Variants in ODAD2 observed in about 807,000 individuals in gnomAD.
ODAD2 encodes outer dynein arm-docking complex subunit 2.
ODAD2 carries 89 observed loss-of-function variants against 106.8 expected under a neutral mutation model. That is an observed-to-expected ratio of 0.83 (90% confidence interval 0.70 to 0.99). The LOEUF (loss-of-function observed/expected upper bound fraction) is 0.99, where lower values mean the gene tolerates loss of function less well. Ranked by LOEUF, ODAD2 falls within the 50% of genes least tolerant of loss-of-function variation. The probability of loss-of-function intolerance (pLI) is 0.00; values close to 1 mark genes in which losing one functional copy is unlikely to be tolerated. For missense variants in ODAD2, 1,168 were observed against 1,238.5 expected (o/e 0.94, Z 0.85); for synonymous variants, 404 against 436.2 (o/e 0.93, Z 0.92).
chr10:27,908,964 T>G (rs144205002), intron 16 of ODAD2, among the ~76,000 whole-genome samples: 2 of 152,258 alleles, frequency 1.3e-5, no homozygotes, highest in African/African-American at 4.8e-5. Flanking sequence ...GTAAGTAGGT[T>G]TTCAAACCTA....
rs1840118767 is a variant in ODAD2 at position 27,862,487 on chromosome 10, C to T, written c.2746G>A (p.Ala916Thr). 1 of 1,612,416 alleles carries T rather than the reference C, an allele frequency of 6.2e-7. No homozygotes were observed. The highest frequency in any genetic ancestry group is 2.2e-5 in the East Asian group (1 of 44,724). ...TNIAKDQENL[A>T]VITDHGVVPL... ...ACAACTCCATGATCTGTGATAACAG[C>T]TAAATTTTCTTGATCTTTTGCTATG... is the stretch of plus-strand genomic sequence containing the variant. Residue 916 changes from alanine (A) to threonine (T), a missense_variant, in exon 18 of 20, where the codon GCT (alanine) becomes ACT (threonine). Ala to Thr is a moderately conservative substitution (Grantham distance 58). Around this residue, in one of 3 missense-constraint regions of ODAD2, gnomAD observed 701 missense variants for 712.3 expected, o/e 0.98. Coordinates refer to ENST00000305242, the MANE Select transcript of ODAD2 (RefSeq NM_018076.5).
chr10:27,947,416 G>A (rs541472505), intron 10 of ODAD2, among the ~76,000 whole-genome samples: 26 of 152,104 alleles, frequency 1.7e-4, no homozygotes, highest in Non-Finnish European at 3.5e-4. Flanking sequence ...AGTGAGCTAT[G>A]ATCACACTAC....
In ODAD2 at chr10:27,862,431, T is replaced by C; in HGVS notation, c.2799+3A>G. ...ATGTAAAACAAAAAGATGTGTTACT[T>C]ACTGTATTTGCCAGTTTGGACAATA... On this transcript the variant is annotated splice_donor_region_variant and intron_variant, in intron 18 of 19. Coordinates refer to ENST00000305242, the MANE Select transcript of ODAD2 (RefSeq NM_018076.5). 1 of 1,602,162 alleles carries C rather than the reference T, an allele frequency of 6.2e-7. No homozygotes were observed. Among genetic ancestry groups the C allele is most frequent in the Non-Finnish European group, 8.5e-7 (1 of 1,174,642 alleles).
At position 27,935,220 on chromosome 10, in the gene ODAD2, A is replaced by G. The variant is rs1251706137; in HGVS notation, c.2285T>C (p.Val762Ala). The change falls in exon 16 of 20, where the codon GTG (valine) becomes GCG (alanine). Residue 762 changes from valine (V) to alanine (A), a missense_variant. Physicochemically the swap from Val to Ala is moderately conservative, Grantham distance 64 (BLOSUM62 0). This residue lies in a region of ODAD2 where 701 missense variants were observed against 712.3 expected (regional missense o/e 0.98). Transcript: ENST00000305242. ...TTCAGGCTGATCTGTTAGAAGTCCC[A>G]CCAAGGTTTCAATGGCTTTGTATTC... ...FREYKAIETL[V>A]GLLTDQPEEV... 1 of 1,613,988 alleles carries G rather than the reference A, an allele frequency of 6.2e-7. No individual in the cohort carries two copies. The highest frequency in any genetic ancestry group is 1.3e-5 in the African/African-American group (1 of 75,060).
intron 10 of ODAD2, among the ~76,000 whole-genome samples, chr10:27,960,313 CATTATTATTATTATTATTATTATTATT>C (rs72020123): frequency 1.4e-5 from 2 of 138,694 alleles, no homozygotes; most frequent in East Asian, 2.1e-4. Flanking sequence ...TTATTTATTT[CATTATTATTATTATTATTATTATTATT>C]ATTATTATTA....
chr10:27,883,779 A>G (rs556872429), intron 17 of ODAD2, among the ~76,000 whole-genome samples: 1 of 152,304 alleles, frequency 6.6e-6, no homozygotes, highest in South Asian at 2.1e-4. Context: ...CAATAACTGA[A>G]ATGAAAAATT....
chr10:27,907,514 G>C, intron 17 of ODAD2, 149 bp downstream of exon 17: 1 of 511,420 alleles, frequency 2.0e-6, no homozygotes. Flanking sequence ...GCAATGCTCC[G>C]AAATTATTTT....
intron 16 of ODAD2, among the ~76,000 whole-genome samples, chr10:27,919,731 G>C (rs1439685593): frequency 6.6e-6 from 1 of 152,076 alleles, no homozygotes; most frequent in Non-Finnish European, 1.5e-5. Flanking sequence ...TTCTAGTAAA[G>C]TTAAACACAT....
intron 19 of ODAD2, among the ~76,000 whole-genome samples, chr10:27,830,787 T>A (rs1837416167): frequency 6.6e-6 from 1 of 152,228 alleles, no homozygotes; most frequent in Non-Finnish European, 1.5e-5. Flanking sequence ...TCAATACTGA[T>A]CTTACTTTAA....
chr10:27,941,052 T>C (rs1048671937), intron 12 of ODAD2, among the ~76,000 whole-genome samples: 1 of 152,116 alleles, frequency 6.6e-6, no homozygotes, highest in Non-Finnish European at 1.5e-5. Context: ...ACCAAGATAG[T>C]ATTTTCTTAA....
At chr10:27,922,129 G>C (rs533737830) in intron 16 of ODAD2, among the ~76,000 whole-genome samples, 59 of 148,152 alleles carry the variant, frequency 4.0e-4, no homozygotes, top group African/African-American at 1.2e-3. Flanking sequence ...ATTCCAACCT[G>C]GGTGACAGAG....
At chr10:27,876,764 G>A (rs1841368329) in intron 17 of ODAD2, among the ~76,000 whole-genome samples, 1 of 152,190 alleles carries the variant, frequency 6.6e-6, no homozygotes, top group Admixed American at 6.5e-5. Context: ...ACTTTGGTTT[G>A]TCCAAGCACA....
intron 6 of ODAD2, chr10:27,981,815 G>T (rs1849564234): frequency 5.9e-6 from 2 of 336,208 alleles, no homozygotes; most frequent in South Asian, 8.5e-5. Context: ...ATTCAGCAAG[G>T]CTTTACTGAG....
chr10:27,925,547 A>G (rs1033068198), intron 16 of ODAD2, among the ~76,000 whole-genome samples: 2 of 152,114 alleles, frequency 1.3e-5, no homozygotes, highest in African/African-American at 4.8e-5. Context: ...TTGTAGAGAC[A>G]GGGCCTCATT....
chr10:27,896,738 C>A (rs1297551684), intron 17 of ODAD2, among the ~76,000 whole-genome samples: 1 of 152,070 alleles, frequency 6.6e-6, no homozygotes, highest in Non-Finnish European at 1.5e-5. Flanking sequence ...TATGTGTACT[C>A]TTTCTAGATA....
chr10:27,998,409 G>A (rs1356282491), intron 1 of ODAD2, among the ~76,000 whole-genome samples: 5 of 152,164 alleles, frequency 3.3e-5, no homozygotes, highest in Non-Finnish European at 1.5e-5. Context: ...GACGAGGAGG[G>A]AAGGGACGGC....
intron 2 of ODAD2, among the ~76,000 whole-genome samples, chr10:27,994,188 A>G (rs953858767): frequency 7.9e-5 from 12 of 151,938 alleles, no homozygotes; most frequent in Admixed American, 2.6e-4. Flanking sequence ...ATTTTTTTTC[A>G]TCTCAGATTT....
At chr10:27,939,843 A>G in intron 14 of ODAD2, 54 bp downstream of exon 14, 1 of 1,109,748 alleles carries the variant, frequency 9.0e-7, no homozygotes, top group South Asian at 1.6e-5. Context: ...TTAGAAAACT[A>G]CCTTAAACTA....
In ODAD2 at chr10:27,984,225, T is replaced by C; in HGVS notation, c.641A>G (p.Lys214Arg). Residue 214 changes from lysine (K) to arginine (R), a missense_variant, in exon 5 of 20, where the codon AAA becomes AGA. Physicochemically the swap from Lys to Arg is conservative, Grantham distance 26 (BLOSUM62 2). Coordinates refer to ENST00000305242, the MANE Select transcript of ODAD2 (RefSeq NM_018076.5). ...DIELLKRFSGKGNQTVLESIE... is the reference protein window; with the variant it reads ...DIELLKRFSGRGNQTVLESIE... The stretch of plus-strand genomic sequence containing the variant: ...AGATTCCAAGACTGTTTGGTTTCCT[T>C]TTCCTGAGAAACGTTTGAGCAGTTC... The C allele has an allele frequency of 6.2e-7, 1 of 1,613,904 alleles. No homozygotes were observed. Among genetic ancestry groups the C allele is most frequent in the Non-Finnish European group, 8.5e-7 (1 of 1,179,848 alleles).
Sources: gnomAD v4.1 joint callset for allele counts (sites outside exome capture counted in the v4.1 genomes callset) on GRCh38, gnomAD v4.1.1 for gene constraint, gnomAD v4.1.1 regional missense constraint, MANE v1.5 for transcripts, NCBI Gene and HGNC (gene_info 2026-07-23, HGNC 2026-07-21) for gene names.